Variants in ATXN1 observed in about 807,000 individuals in gnomAD.
ATXN1 encodes ataxin-1.
In ATXN1, 8 loss-of-function variants were observed where a neutral mutation model predicts 56.4. That is an observed-to-expected ratio of 0.14 (90% confidence interval 0.08 to 0.26). ATXN1 has a LOEUF of 0.26. ATXN1 is among the 10% of genes least tolerant of loss of function. The probability of loss-of-function intolerance (pLI) is 1.00; values close to 1 mark genes in which losing one functional copy is unlikely to be tolerated. For synonymous variants in ATXN1, 514 were observed against 494.6 expected (o/e 1.04, Z -0.52); for missense variants, 987 against 1,106.5 (o/e 0.89, Z 1.53).
intron 3 of ATXN1, among the ~76,000 whole-genome samples, chr6:16,630,130 ACTC>A (rs891517007): frequency 6.6e-6 from 1 of 151,780 alleles, no homozygotes; most frequent in African/African-American, 2.4e-5. Flanking sequence ...GGGTCTGAGG[ACTC>A]CTCCTCTCAG....
chr6:16,571,934 A>G (rs575522251), intron 4 of ATXN1, among the ~76,000 whole-genome samples: 1 of 152,260 alleles, frequency 6.6e-6, no homozygotes, highest in East Asian at 1.9e-4. Context: ...AAGTGCTGGG[A>G]TTGCAGGGGT....
chr6:16,671,710 TCA>T (rs1200643926), intron 2 of ATXN1, among the ~76,000 whole-genome samples: 1 of 152,138 alleles, frequency 6.6e-6, no homozygotes, highest in East Asian at 1.9e-4. Context: ...CAAGAGTTAA[TCA>T]CACAGAAAAG....
chr6:16,741,657 A>C (rs997862762), intron 2 of ATXN1, among the ~76,000 whole-genome samples: 2 of 152,232 alleles, frequency 1.3e-5, no homozygotes, highest in African/African-American at 4.8e-5. Context: ...CAGGACTTAA[A>C]GATGATATGA....
In ATXN1 at chr6:16,582,579, G is replaced by C. The variant is rs144241291; in HGVS notation, c.-361+3201C>G. On this transcript the variant is annotated intron_variant, in intron 4 of 7. Coordinates refer to ENST00000436367, the MANE Select transcript of ATXN1 (RefSeq NM_001128164.2). ...TTCAACAATGATTCTGCCTGGTCTT[G>C]CAGATAGGTCTTGTACATGAATGCA... Among the ~76,000 whole-genome samples the C allele has an allele frequency of 1.9e-3, 282 of 152,310 alleles. 1 individual carries two copies. Among genetic ancestry groups the C allele is most frequent in the East Asian group, 6.4e-3 (33 of 5,184 alleles).
At position 16,327,707 on chromosome 6, in the gene ATXN1, G is replaced by GCTGCTGCTGCTGCTGCTC. The variant is rs769410481; in HGVS notation, c.586_603dup (p.Glu196_Gln201dup). The GCTGCTGCTGCTGCTGCTC allele has an allele frequency of 5.6e-6, 9 of 1,603,054 alleles. No individual in the cohort carries two copies. Among genetic ancestry groups the GCTGCTGCTGCTGCTGCTC allele is most frequent in the Non-Finnish European group, 7.6e-6 (9 of 1,178,462 alleles). ...TGATGCTGCTGCTGCTGCTGCTGCT[G>GCTGCTGCTGCTGCTGCTC]CTGCTGCTGCTGCTGCTCAGCCTTG... is the stretch of plus-strand genomic sequence containing the variant. On this transcript the variant is annotated inframe_insertion, in exon 7 of 8. Transcript: ENST00000436367.
At chr6:16,677,908 A>G (rs1395302236) in intron 2 of ATXN1, among the ~76,000 whole-genome samples, 1 of 152,256 alleles carries the variant, frequency 6.6e-6, no homozygotes, top group East Asian at 1.9e-4. Context: ...ACTTAAAAAA[A>G]TTAAATGGTC....
intron 6 of ATXN1, among the ~76,000 whole-genome samples, chr6:16,420,687 TGAGAAAACA>T (rs1255883072): frequency 6.6e-6 from 1 of 152,198 alleles, no homozygotes; most frequent in Non-Finnish European, 1.5e-5. Flanking sequence ...TATTAGAAAG[TGAGAAAACA>T]GACATTACTT....
At position 16,719,376 on chromosome 6, in the gene ATXN1, G is replaced by A. The variant is rs573572961; in HGVS notation, c.-615+33857C>T. ...AATTCATGCTAAACAGCTAAATGTCGCAAGCAGCATGCTGTCAAAAACTGT... is the reference window on the plus strand; with the variant it reads ...AATTCATGCTAAACAGCTAAATGTCACAAGCAGCATGCTGTCAAAAACTGT... On this transcript the variant is annotated intron_variant, in intron 2 of 7. Transcript: ENST00000436367. Among the ~76,000 whole-genome samples the A allele has an allele frequency of 2.1e-3, 326 of 152,224 alleles. 1 individual carries two copies. The highest frequency in any genetic ancestry group is 4.5e-3 in the Admixed American group (68 of 15,278).
At chr6:16,518,815 T>C (rs1197525452) in intron 5 of ATXN1, among the ~76,000 whole-genome samples, 2 of 152,096 alleles carry the variant, frequency 1.3e-5, no homozygotes, top group Admixed American at 6.5e-5. Flanking sequence ...ACAGTGAATA[T>C]TGGGAGTGAG....
chr6:16,688,795 T>C (rs529843476), intron 2 of ATXN1, among the ~76,000 whole-genome samples: 3 of 152,206 alleles, frequency 2.0e-5, no homozygotes, highest in African/African-American at 7.2e-5. Context: ...ATAAACTATT[T>C]TGTGAAATCA....
intron 6 of ATXN1, among the ~76,000 whole-genome samples, chr6:16,359,013 C>T (rs977212951): frequency 3.9e-5 from 6 of 152,244 alleles, no homozygotes; most frequent in African/African-American, 1.2e-4. Context: ...GGCGTCTCTG[C>T]AGCCTGCACC....
intron 5 of ATXN1, among the ~76,000 whole-genome samples, chr6:16,493,067 G>T (rs1005694995): frequency 6.6e-6 from 1 of 152,044 alleles, no homozygotes; most frequent in African/African-American, 2.4e-5. Context: ...CCTGCTCATT[G>T]GTCTTCTTGT....
At position 16,592,947 on chromosome 6, in the gene ATXN1, G is replaced by A. The variant is rs151231976; in HGVS notation, c.-488-7040C>T. Reference sequence around the variant, plus strand: ...TGTCCTGTTTCTGTCCTATCAGAACGCCCTTTTCTCAATCCTCCCCATGAT... The same window carrying A: ...TGTCCTGTTTCTGTCCTATCAGAACACCCTTTTCTCAATCCTCCCCATGAT... On this transcript the variant is annotated intron_variant, in intron 3 of 7. Transcript: ENST00000436367. 3.1e-3 allele frequency among the ~76,000 whole-genome samples: 475 copies of A among 152,058 alleles called. 2 individuals are homozygous for A. The highest frequency in any genetic ancestry group is 0.01 in the African/African-American group (432 of 41,448).
At chr6:16,747,286 C>A (rs865932599) in intron 2 of ATXN1, among the ~76,000 whole-genome samples, 1 of 152,034 alleles carries the variant, frequency 6.6e-6, no homozygotes, top group South Asian at 2.1e-4. Flanking sequence ...TTCAGTAAAG[C>A]TAAACAGAAC....
At chr6:16,483,688 G>A (rs1313968925) in intron 6 of ATXN1, among the ~76,000 whole-genome samples, 9 of 152,240 alleles carry the variant, frequency 5.9e-5, no homozygotes, top group African/African-American at 1.7e-4. Flanking sequence ...ATCTTAAAGT[G>A]TACACTTCAG....
intron 6 of ATXN1, among the ~76,000 whole-genome samples, chr6:16,435,317 T>C (rs974605628): frequency 1.3e-5 from 2 of 152,062 alleles, no homozygotes; most frequent in African/African-American, 4.8e-5. Context: ...CATGGATCCA[T>C]CAAGGCACTG....
chr6:16,550,155 C>CAAAAAAAAA (rs70999336), intron 4 of ATXN1, among the ~76,000 whole-genome samples: 1 of 91,192 alleles, frequency 1.1e-5, no homozygotes, highest in Non-Finnish European at 2.3e-5. Flanking sequence ...AAATAAAATA[C>CAAAAAAAAA]AAAAAAAAAA....
chr6:16,483,703 C>A (rs1760484472), intron 6 of ATXN1, among the ~76,000 whole-genome samples: 1 of 152,202 alleles, frequency 6.6e-6, no homozygotes, highest in South Asian at 2.1e-4. Flanking sequence ...CTTCAGAAGT[C>A]CTTTGAAAAC....
At chr6:16,725,697 A>G (rs188841389) in intron 2 of ATXN1, among the ~76,000 whole-genome samples, 1 of 152,324 alleles carries the variant, frequency 6.6e-6, no homozygotes, top group East Asian at 1.9e-4. Flanking sequence ...ACATTCAACA[A>G]TATTTATGCC....
Sources: gnomAD v4.1 joint callset for allele counts (sites outside exome capture counted in the v4.1 genomes callset) on GRCh38, gnomAD v4.1.1 for gene constraint, MANE v1.5 for transcripts, NCBI Gene and HGNC (gene_info 2026-07-23, HGNC 2026-07-21) for gene names.